Variants in ZNG1A observed in about 807,000 individuals in gnomAD.
ZNG1A encodes zinc-regulated GTPase metalloprotein activator 1A.
At chr9:177,660 T>C in the ZNG1A span, 1 of 1,356,850 alleles carries the variant, frequency 7.4e-7, no homozygotes. Flanking sequence ...AGCAACAAGG[T>C]TGCTGGTATT....
At chr9:138,970 C>A in the ZNG1A span, among the ~76,000 whole-genome samples, 1 of 148,350 alleles carries the variant, frequency 6.7e-6, no homozygotes, top group African/African-American at 2.6e-5. Flanking sequence ...GTAGAGCCAC[C>A]CACTATGCCT....
At chr9:158,823 G>A in the ZNG1A span, among the ~76,000 whole-genome samples, 3 of 151,878 alleles carry the variant, frequency 2.0e-5, no homozygotes, top group African/African-American at 4.8e-5. Flanking sequence ...TATGCCCATA[G>A]GAAAGCCATA....
At chr9:176,603 A>C in the ZNG1A span, among the ~76,000 whole-genome samples, 1 of 152,078 alleles carries the variant, frequency 6.6e-6, no homozygotes. Context: ...AAAGCTTTTT[A>C]ACAGATGAAG....
chr9:132,349 T>TCCA, the ZNG1A span, among the ~76,000 whole-genome samples: 1 of 76,684 alleles, frequency 1.3e-5, no homozygotes, highest in Non-Finnish European at 2.8e-5. Context: ...ACCCCATCTC[T>TCCA]ACTAAAAAAA....
chr9:160,170 A>C, the ZNG1A span: 2 of 454,492 alleles, frequency 4.4e-6, no homozygotes, highest in Non-Finnish European at 8.8e-6. Context: ...ATTTCACATC[A>C]ATGGGTGACA....
At chr9:149,076 T>C in the ZNG1A span, 1 of 149,586 alleles carries the variant, frequency 6.7e-6, no homozygotes, top group East Asian at 1.9e-4. Context: ...CAGTGGCACT[T>C]CAAACTCAAA....
chr9:123,954 CA>C, the ZNG1A span, among the ~76,000 whole-genome samples: 1 of 152,002 alleles, frequency 6.6e-6, no homozygotes, highest in African/African-American at 2.4e-5. Context: ...GAATAAAACT[CA>C]AAACCAAAGT....
At chr9:156,529 T>A in the ZNG1A span, 1 of 1,595,726 alleles carries the variant, frequency 6.3e-7, no homozygotes, top group South Asian at 1.1e-5. Flanking sequence ...TGTTAAATGC[T>A]AAACAAAAAA....
chr9:156,437 T>G, the ZNG1A span: 4 of 1,554,198 alleles, frequency 2.6e-6, no homozygotes, highest in Non-Finnish European at 3.5e-6. Flanking sequence ...GATTTTTCTC[T>G]TTACAATTAG....
At chr9:159,132 A>C in the ZNG1A span, among the ~76,000 whole-genome samples, 5 of 149,402 alleles carry the variant, frequency 3.3e-5, no homozygotes, top group Non-Finnish European at 5.9e-5. Flanking sequence ...TATTACATAG[A>C]TGTCCAAAGT....
At chr9:146,237 T>C in the ZNG1A span, 1 of 1,564,780 alleles carries the variant, frequency 6.4e-7, no homozygotes, top group Non-Finnish European at 8.6e-7. Flanking sequence ...AAACTCTGAC[T>C]TAAAAAATTT....
the ZNG1A span, chr9:135,142 T>C: frequency 4.9e-5 from 73 of 1,480,872 alleles, 5 homozygotes; most frequent in South Asian, 8.0e-4. Flanking sequence ...ACTATTCTAA[T>C]ATTCTGTAAT....
the ZNG1A span, among the ~76,000 whole-genome samples, chr9:133,813 A>C: frequency 5.9e-5 from 9 of 151,574 alleles, no homozygotes; most frequent in Admixed American, 5.9e-4. Flanking sequence ...TGTACTAAGC[A>C]ATACAGATTT....
At chr9:150,560 T>A in the ZNG1A span, 1 of 983,264 alleles carries the variant, frequency 1.0e-6, no homozygotes, top group Non-Finnish European at 1.2e-6. Context: ...AAAAGGATTC[T>A]AATGCAACTT....
chr9:122,692 T>G, the ZNG1A span: 1 of 928,428 alleles, frequency 1.1e-6, no homozygotes, highest in Non-Finnish European at 1.3e-6. Flanking sequence ...AAAAACTTTG[T>G]GCACACTTGT....
chr9:129,466 A>T, the ZNG1A span, among the ~76,000 whole-genome samples: 1 of 150,028 alleles, frequency 6.7e-6, no homozygotes, highest in Non-Finnish European at 1.5e-5. Context: ...GGTAATATAC[A>T]TACAACCAAA....
At chr9:164,166 TGA>T in the ZNG1A span, 1 of 1,116,962 alleles carries the variant, frequency 9.0e-7, no homozygotes, top group African/African-American at 1.7e-5. Context: ...GAAATTATAG[TGA>T]TAGAAGCTTT....
the ZNG1A span, chr9:167,185 G>A: frequency 6.7e-6 from 1 of 150,252 alleles, no homozygotes; most frequent in Non-Finnish European, 1.5e-5. Flanking sequence ...AATAAAACAG[G>A]GACCACAAAG....
chr9:169,854 C>CTTTTT, the ZNG1A span, among the ~76,000 whole-genome samples: 73 of 53,966 alleles, frequency 1.4e-3, no homozygotes, highest in Admixed American at 6.4e-3. Context: ...ATAAACACAG[C>CTTTTT]TTTTTTTTTT....
Sources: allele counts gnomAD v4.1 joint callset (sites outside exome capture counted in the v4.1 genomes callset), GRCh38; gene constraint gnomAD v4.1.1; transcripts MANE v1.5; gene names NCBI Gene and HGNC (gene_info 2026-07-23, HGNC 2026-07-21).